DCAF1: variants seen among roughly 807,000 people sequenced by gnomAD.
DCAF1 encodes the protein DDB1 and CUL4 associated factor 1.
In DCAF1, 15 loss-of-function variants were observed where a neutral mutation model predicts 128.0. That is an observed-to-expected ratio of 0.12 (90% CI 0.08 to 0.18). DCAF1 has a LOEUF of 0.18. Among genes scored for constraint, DCAF1 ranks in the 10% least tolerant of loss-of-function variants. The pLI, the probability that DCAF1 is intolerant of heterozygous loss-of-function variation, is 1.00. For missense variants in DCAF1, 988 were observed against 1,649.5 expected (o/e 0.60, Z 6.95); for synonymous variants, 610 against 603.0 (o/e 1.01, Z -0.17).
In DCAF1 at chr3:51,448,166, G is replaced by C. The variant is rs1259659052; in HGVS notation, c.376-4263C>G. Among the ~76,000 whole-genome samples the C allele has an allele frequency of 2.6e-5, 4 of 152,084 alleles. No homozygotes were observed. The East Asian group carries it at 7.7e-4, about 29-fold the overall frequency. On this transcript the variant is annotated intron_variant, in intron 6 of 24. Transcript: ENST00000684031. ...TTTTGTTAATTCTTAAAATTCTACT[G>C]TCATCTCTCTGAATGCTGTCATCTC...
At chr3:51,486,322 A>G (rs139589392) in intron 2 of DCAF1, among the ~76,000 whole-genome samples, 46 of 151,110 alleles carry the variant, frequency 3.0e-4, no homozygotes, top group Non-Finnish European at 6.0e-4. Context: ...CCTCCAGAGT[A>G]GCTGAGATTA....
chr3:51,418,231 G>C (rs369553938), intron 16 of DCAF1, 33 bp from the exon 17 acceptor site: 1 of 1,585,448 alleles, frequency 6.3e-7, no homozygotes, highest in African/African-American at 1.3e-5. Context: ...GGGTAACCAC[G>C]TATTTACATA....
At position 51,430,096 on chromosome 3, in the gene DCAF1, G is replaced by A. The variant is rs781964212; in HGVS notation, c.1404C>T (p.Phe468=). 14 of 780,624 alleles carry A rather than the reference G, an allele frequency of 1.8e-5. No homozygotes were observed. The highest frequency in any genetic ancestry group is 3.1e-5 in the Non-Finnish European group (13 of 417,982). The allele number at this position is 780,624 out of a possible 1,614,324, so 48.4% of individuals were successfully genotyped here. ...AGAGCTCCAAGACGGCCCGAAATGA[G>A]AAGCAAATTGAAAAAAACATGGTAG... ...CHATMFFSIC[F]SFRAVLELFD... is the part of the protein sequence containing the mutation. The change falls in exon 11 of 25, where the codon TTC becomes TTT. Residue 468 remains phenylalanine (F), a synonymous_variant. Coordinates refer to ENST00000684031, the MANE Select transcript of DCAF1 (RefSeq NM_001387579.1).
intron 13 of DCAF1, 75 bp downstream of exon 13, chr3:51,427,297 T>C (rs1454838433): frequency 6.5e-6 from 4 of 613,950 alleles, no homozygotes; most frequent in African/African-American, 3.7e-5. Context: ...GTTAAGCATA[T>C]ACAATGTGCA....
In DCAF1 at chr3:51,429,117, T is replaced by A. The variant is rs1483742819; in HGVS notation, c.1677+144A>T. The A allele has an allele frequency of 5.0e-6, 3 of 594,090 alleles. No homozygotes were observed. The East Asian group carries it at 8.3e-5, about 16-fold the overall frequency. 36.8% of individuals were successfully genotyped at this position (594,090 alleles called of 1,614,324 possible). The stretch of plus-strand genomic sequence containing the variant: ...TGAAATTCACCTATTACATCCATTT[T>A]TCAATTGTTCTGCCTTCATACAGGG... On this transcript the variant is annotated intron_variant, in intron 12 of 24. Transcript: ENST00000684031.
chr3:51,405,665 T>A (rs1305230938), intron 23 of DCAF1, among the ~76,000 whole-genome samples: 4 of 152,114 alleles, frequency 2.6e-5, no homozygotes, highest in Admixed American at 6.5e-5. Flanking sequence ...AAATTTTAAA[T>A]CTGAAACTGG....
At chr3:51,481,625 G>A (rs1404918966) in intron 3 of DCAF1, among the ~76,000 whole-genome samples, 4 of 152,050 alleles carry the variant, frequency 2.6e-5, no homozygotes, top group African/African-American at 4.8e-5. Context: ...AACCTAGGAG[G>A]TGGGGGTTGC....
At chr3:51,490,548 T>C (rs937329261) in intron 2 of DCAF1, among the ~76,000 whole-genome samples, 26 of 152,318 alleles carry the variant, frequency 1.7e-4, no homozygotes, top group South Asian at 6.2e-4. Context: ...AAAGACATTC[T>C]GTGTTCATGG....
At chr3:51,465,733 G>A (rs367774219) in intron 5 of DCAF1, among the ~76,000 whole-genome samples, 4 of 151,982 alleles carry the variant, frequency 2.6e-5, no homozygotes, top group Non-Finnish European at 5.9e-5. Context: ...CAACAAAAGC[G>A]AAATTCTGTC....
intron 3 of DCAF1, among the ~76,000 whole-genome samples, chr3:51,475,230 T>C (rs1176557010): frequency 1.3e-5 from 2 of 148,552 alleles, no homozygotes; most frequent in African/African-American, 5.0e-5. Context: ...TCTACTAGTA[T>C]CAAAAAAGAA....
intron 13 of DCAF1, among the ~76,000 whole-genome samples, chr3:51,424,229 G>C (rs1553633427): frequency 6.6e-6 from 1 of 151,796 alleles, no homozygotes; most frequent in East Asian, 1.9e-4. Context: ...GTGAAACCCT[G>C]TCTCTACTAA....
At chr3:51,402,168 G>A (rs1012108450) in intron 24 of DCAF1, among the ~76,000 whole-genome samples, 1 of 152,168 alleles carries the variant, frequency 6.6e-6, no homozygotes, top group African/African-American at 2.4e-5. Flanking sequence ...AGAAAAAAAG[G>A]TAAATAAAAG....
At chr3:51,418,579 TTAA>T in intron 16 of DCAF1, 96 bp downstream of exon 16, 1 of 1,498,636 alleles carries the variant, frequency 6.7e-7, no homozygotes, top group Non-Finnish European at 8.9e-7. Flanking sequence ...GAGGACTCAT[TTAA>T]AAGAGAGAGC....
At chr3:51,469,492 A>G (rs1704503439) in intron 4 of DCAF1, among the ~76,000 whole-genome samples, 1 of 151,748 alleles carries the variant, frequency 6.6e-6, no homozygotes, top group Admixed American at 6.6e-5. Context: ...GGCCTCCCAA[A>G]GTGCTGAGAT....
intron 20 of DCAF1, 111 bp downstream of exon 20, chr3:51,413,839 T>C: frequency 1.6e-6 from 2 of 1,250,998 alleles, no homozygotes; most frequent in Non-Finnish European, 1.0e-6. Context: ...ATGTTACAAC[T>C]CTCAAATGCT....
At chr3:51,499,379 G>A (rs1267636518) in intron 1 of DCAF1, among the ~76,000 whole-genome samples, 3 of 152,154 alleles carry the variant, frequency 2.0e-5, no homozygotes, top group African/African-American at 7.2e-5. Context: ...GCGGGTGCAG[G>A]GAGAGGTGGC....
At chr3:51,450,907 G>C (rs938185917) in intron 6 of DCAF1, among the ~76,000 whole-genome samples, 2 of 151,808 alleles carry the variant, frequency 1.3e-5, no homozygotes, top group Admixed American at 6.6e-5. Flanking sequence ...ACCTCTGTTG[G>C]CAAATGACGT....
At chr3:51,472,985 C>T (rs1412270134) in intron 3 of DCAF1, among the ~76,000 whole-genome samples, 1 of 149,640 alleles carries the variant, frequency 6.7e-6, no homozygotes, top group Admixed American at 6.7e-5. Context: ...ATTTATAAAA[C>T]AAGAAAAATG....
intron 3 of DCAF1, among the ~76,000 whole-genome samples, chr3:51,483,365 A>T (rs1706493754): frequency 6.6e-6 from 1 of 151,056 alleles, no homozygotes; most frequent in Non-Finnish European, 1.5e-5. Context: ...CCTTGAACCC[A>T]GGAGACGGAG....
Sources: gnomAD v4.1 joint callset for allele counts (sites outside exome capture counted in the v4.1 genomes callset) on GRCh38, gnomAD v4.1.1 for gene constraint, MANE v1.5 for transcripts, NCBI Gene and HGNC (gene_info 2026-07-23, HGNC 2026-07-21) for gene names.